Variants in ARMC3 observed in about 807,000 individuals in gnomAD.
The protein encoded by ARMC3 is armadillo repeat containing 3, also known as armadillo repeat-containing protein 3.
A neutral mutation model predicts 90.3 loss-of-function variants in ARMC3; 74 were observed. That is an observed-to-expected ratio of 0.82 (90% CI 0.68 to 0.99). The LOEUF (loss-of-function observed/expected upper bound fraction) is 0.99. ARMC3 is among the 50% of genes least tolerant of loss of function. The pLI is 0.00. For missense variants in ARMC3, 958 were observed against 1,042.8 expected (o/e 0.92, Z 1.12); for synonymous variants, 334 against 361.8 (o/e 0.92, Z 0.87).
intron 11 of ARMC3, among the ~76,000 whole-genome samples, chr10:22,999,638 T>A (rs545584516): frequency 1.3e-5 from 2 of 152,316 alleles, no homozygotes; most frequent in Non-Finnish European, 2.9e-5. Context: ...ATCCACATAT[T>A]ACAGATGAGG....
At chr10:22,929,248 AGAG>A (rs2131100424) in intron 1 of ARMC3, among the ~76,000 whole-genome samples, 1 of 151,156 alleles carries the variant, frequency 6.6e-6, no homozygotes, top group East Asian at 1.9e-4. Flanking sequence ...AAAGAAAAAA[AGAG>A]AAGAGAGAGA....
chr10:23,005,465 C>T (rs1277520787), intron 13 of ARMC3, among the ~76,000 whole-genome samples: 1 of 152,164 alleles, frequency 6.6e-6, no homozygotes, highest in Non-Finnish European at 1.5e-5. Flanking sequence ...GTGAATACGT[C>T]AGTGAACAAA....
intron 10 of ARMC3, among the ~76,000 whole-genome samples, chr10:22,991,297 T>C (rs1477202805): frequency 6.6e-6 from 1 of 152,154 alleles, no homozygotes; most frequent in Non-Finnish European, 1.5e-5. Context: ...TTTGTGCATG[T>C]AAGAGATTAC....
intron 18 of ARMC3, among the ~76,000 whole-genome samples, chr10:23,035,580 T>C (rs12780334): frequency 0.56 from 84,802 of 151,814 alleles, 25,009 homozygotes; most frequent in Non-Finnish European, 0.64. Context: ...TCCAGTTTTT[T>C]GGCCTGTTTG....
intron 4 of ARMC3, among the ~76,000 whole-genome samples, chr10:22,956,268 G>A (rs966108208): frequency 6.6e-6 from 1 of 152,164 alleles, no homozygotes; most frequent in African/African-American, 2.4e-5. Context: ...TACATTTCAT[G>A]TATATTTCAT....
intron 3 of ARMC3, among the ~76,000 whole-genome samples, chr10:22,950,767 A>T (rs1396768314): frequency 6.6e-6 from 1 of 152,152 alleles, no homozygotes; most frequent in African/African-American, 2.4e-5. Flanking sequence ...AAAATAACGC[A>T]AAAGGATGAC....
intron 17 of ARMC3, among the ~76,000 whole-genome samples, chr10:23,032,360 T>A (rs565936681): frequency 7.9e-5 from 12 of 152,250 alleles, no homozygotes; most frequent in Admixed American, 6.5e-4. Flanking sequence ...TTAAAATAAA[T>A]TTTTAAAGAA....
chr10:22,941,543 C>T (rs367578024), intron 2 of ARMC3, among the ~76,000 whole-genome samples: 2 of 151,938 alleles, frequency 1.3e-5, no homozygotes, highest in African/African-American at 2.4e-5. Flanking sequence ...CTATTCTTAG[C>T]GTCTGGCACT....
intron 10 of ARMC3, among the ~76,000 whole-genome samples, chr10:22,992,937 C>T (rs1273194790): frequency 6.6e-6 from 1 of 150,804 alleles, no homozygotes; most frequent in Non-Finnish European, 1.5e-5. Flanking sequence ...CACACCGCCC[C>T]TGACCACTTG....
At chr10:22,980,947 C>T (rs892989282) in intron 8 of ARMC3, among the ~76,000 whole-genome samples, 13 of 152,218 alleles carry the variant, frequency 8.5e-5, no homozygotes, top group East Asian at 5.8e-4. Context: ...GGCATTCTTC[C>T]AATATTGGGT....
chr10:23,005,230 A>C (rs1444818621), intron 13 of ARMC3, among the ~76,000 whole-genome samples: 1 of 151,456 alleles, frequency 6.6e-6, no homozygotes, highest in Non-Finnish European at 1.5e-5. Flanking sequence ...AAAAAAAAAA[A>C]AAACCAAACC....
chr10:23,012,337 T>G (rs1838052704), intron 16 of ARMC3, among the ~76,000 whole-genome samples: 1 of 152,212 alleles, frequency 6.6e-6, no homozygotes, highest in African/African-American at 2.4e-5. Context: ...CCTTCTTTTT[T>G]GGCCCTTGGT....
chr10:22,988,323 A>G (rs1262589200), intron 10 of ARMC3, among the ~76,000 whole-genome samples: 1 of 152,210 alleles, frequency 6.6e-6, no homozygotes, highest in African/African-American at 2.4e-5. Context: ...GTGCTTCAAC[A>G]AAAATCAGTG....
Position 22,955,875 on chromosome 10 carries a change from G to A in ARMC3, c.235G>A (p.Glu79Lys). 5 of 1,613,152 alleles carry A rather than the reference G, an allele frequency of 3.1e-6. No individual in the cohort carries two copies. Among genetic ancestry groups the A allele is most frequent in the Non-Finnish European group, 4.2e-6 (5 of 1,179,142 alleles). Residue 79 changes from glutamate (E) to lysine (K), a missense_variant, in exon 4 of 19, where the codon GAA becomes AAA. Glu to Lys is a moderately conservative substitution (Grantham distance 56). Coordinates refer to ENST00000298032, the MANE Select transcript of ARMC3 (RefSeq NM_173081.5). Reference sequence around the variant, plus strand: ...ACCTTTAACTAAGCTACTCACCCATGAAGACAAAATTGTAAGAAGAAATGC... The same window carrying A: ...ACCTTTAACTAAGCTACTCACCCATAAAGACAAAATTGTAAGAAGAAATGC... ...VEPLTKLLTH[E>K]DKIVRRNATM...
At chr10:22,945,299 TAC>T (rs1410937141) in intron 2 of ARMC3, among the ~76,000 whole-genome samples, 1 of 152,190 alleles carries the variant, frequency 6.6e-6, no homozygotes, top group East Asian at 1.9e-4. Context: ...AGCTTTGAAA[TAC>T]AGTTTTTTTC....
intron 16 of ARMC3, among the ~76,000 whole-genome samples, chr10:23,026,539 T>C (rs938898266): frequency 6.6e-6 from 1 of 152,070 alleles, no homozygotes; most frequent in Admixed American, 6.5e-5. Flanking sequence ...CATCTACTTA[T>C]GATGTTGATA....
chr10:22,934,312 A>C (rs1163073282), intron 2 of ARMC3, among the ~76,000 whole-genome samples: 1 of 152,222 alleles, frequency 6.6e-6, no homozygotes, highest in Non-Finnish European at 1.5e-5. Context: ...ATTTGTCATA[A>C]CATTAATATA....
intron 16 of ARMC3, among the ~76,000 whole-genome samples, chr10:23,011,699 C>T (rs1447390741): frequency 6.6e-6 from 1 of 152,182 alleles, no homozygotes; most frequent in Non-Finnish European, 1.5e-5. Context: ...AGCCTCTCCT[C>T]TAACTGTAGC....
At chr10:22,955,244 A>T (rs1834882655) in intron 3 of ARMC3, 1 of 152,456 alleles carries the variant, frequency 6.6e-6, no homozygotes. Context: ...CCCTTAGCTC[A>T]GTCGCTTTGG....
Sources: allele counts gnomAD v4.1 joint callset (sites outside exome capture counted in the v4.1 genomes callset), GRCh38; gene constraint gnomAD v4.1.1; transcripts MANE v1.5; gene names NCBI Gene and HGNC (gene_info 2026-07-23, HGNC 2026-07-21).